Variants in KIRREL3 observed in about 807,000 individuals in gnomAD.
KIRREL3 encodes the protein kirre like nephrin family adhesion molecule 3, also known as kin of IRRE-like protein 3.
KIRREL3 carries 36 observed loss-of-function variants against 89.7 expected under a neutral mutation model. The ratio of observed to expected loss-of-function variants is 0.40; its 90% CI spans 0.31 to 0.53. The LOEUF (loss-of-function observed/expected upper bound fraction) is 0.53, where lower values mean the gene tolerates loss of function less well. KIRREL3 is among the 20% of genes least tolerant of loss of function. KIRREL3 has a pLI of 0.49. For missense variants in KIRREL3, 864 were observed against 1,056.6 expected, an observed-to-expected ratio of 0.82 and a Z score of 2.53; for synonymous variants, 445 against 441.4, an observed-to-expected ratio of 1.01 and a Z score of -0.10.
intron 1 of KIRREL3, among the ~76,000 whole-genome samples, chr11:126,626,768 A>T (rs1220900985): frequency 6.6e-6 from 1 of 152,182 alleles, no homozygotes; most frequent in African/African-American, 2.4e-5. Context: ...CGAGGCGGGC[A>T]GATCGCCTGA....
At chr11:126,444,086 C>T (rs1955694476) in intron 10 of KIRREL3, among the ~76,000 whole-genome samples, 1 of 152,238 alleles carries the variant, frequency 6.6e-6, no homozygotes, top group Admixed American at 6.5e-5. Flanking sequence ...TGACTGTCTA[C>T]ACCCCATCAT....
In KIRREL3 at chr11:126,896,963, G is replaced by A. The variant is rs141196116; in HGVS notation, c.55+103492C>T. On this transcript the variant is annotated intron_variant, in intron 1 of 16. Coordinates refer to ENST00000525144, the MANE Select transcript of KIRREL3 (RefSeq NM_032531.4). The surrounding 1 kb of genome is among the most constrained non-coding windows in gnomAD (Gnocchi z 4.1). ...CTTTCTTTTGTTACTCTAAGACTTT[G>A]CAGAATCAAAAGATTCTAAGAAGAG... Among the ~76,000 whole-genome samples the A allele has an allele frequency of 7.9e-5, 12 of 152,180 alleles. No individual in the cohort carries two copies. In the East Asian group the frequency reaches 2.3e-3, roughly 29 times the overall value.
chr11:126,503,572 A>G (rs1460621742), intron 4 of KIRREL3, among the ~76,000 whole-genome samples: 1 of 152,100 alleles, frequency 6.6e-6, no homozygotes, highest in Admixed American at 6.6e-5. Flanking sequence ...ATAGTTTCCT[A>G]AAAACAAAGA....
At chr11:126,874,072 G>T (rs901141238) in intron 1 of KIRREL3, among the ~76,000 whole-genome samples, 1 of 152,216 alleles carries the variant, frequency 6.6e-6, no homozygotes, top group East Asian at 1.9e-4. Flanking sequence ...TGATGCAAAG[G>T]CACCTATCCC....
rs1357333857 is a variant in KIRREL3 at position 126,498,508 on chromosome 11, T to C, written c.433+22807A>G. ...GGTAAGGGGTGGCAGCGAGAGATAA[T>C]TATAATCAGATCTAATTAGTAATTA... On this transcript the variant is annotated intron_variant, in intron 4 of 16. Coordinates refer to ENST00000525144, the MANE Select transcript of KIRREL3 (RefSeq NM_032531.4). The surrounding 1 kb of genome is among the most constrained non-coding windows in gnomAD (Gnocchi z 4.3). Among the ~76,000 whole-genome samples, 1 of 152,194 alleles carries C rather than the reference T, an allele frequency of 6.6e-6. No individual in the cohort carries two copies. The highest frequency in any genetic ancestry group is 1.5e-5 in the Non-Finnish European group (1 of 68,038).
rs1210724073 is a variant in KIRREL3 at position 126,978,820 on chromosome 11, G to T, written c.55+21635C>A. The stretch of plus-strand genomic sequence containing the variant: ...GCTACCATATGTGGATGTCCCCTGG[G>T]TCCCTACCTCTCTGCACCCGGGATG... On this transcript the variant is annotated intron_variant, in intron 1 of 16. Transcript: ENST00000525144. This position sits in a 1 kb window ranked among gnomAD's most constrained non-coding sequence, Gnocchi z 4.2. Among the ~76,000 whole-genome samples, 1 of 152,152 alleles carries T rather than the reference G, an allele frequency of 6.6e-6. No homozygotes were observed. The highest frequency in any genetic ancestry group is 1.5e-5 in the Non-Finnish European group (1 of 68,030).
Position 126,608,670 on chromosome 11 carries a change from C to G in KIRREL3, c.56-45758G>C, listed in dbSNP as rs1422011843. ...AGTAGGAGCCCCCTTCCCAGCCCTCCCTGGCTAAGGGATGGTGGTCCCAGA... is the reference window on the plus strand; with the variant it reads ...AGTAGGAGCCCCCTTCCCAGCCCTCGCTGGCTAAGGGATGGTGGTCCCAGA... On this transcript the variant is annotated intron_variant, in intron 1 of 16. Coordinates refer to ENST00000525144, the MANE Select transcript of KIRREL3 (RefSeq NM_032531.4). This position sits in a 1 kb window ranked among gnomAD's most constrained non-coding sequence, Gnocchi z 4.9. 6.6e-6 allele frequency among the ~76,000 whole-genome samples: 1 copy of G among 152,192 alleles called. No homozygotes were observed. The highest frequency in any genetic ancestry group is 1.5e-5 in the Non-Finnish European group (1 of 68,026).
Position 126,571,223 on chromosome 11 carries a change from G to T in KIRREL3, c.56-8311C>A, listed in dbSNP as rs149149326. Among the ~76,000 whole-genome samples the T allele has an allele frequency of 3.1e-3, 476 of 152,272 alleles. 2 individuals are homozygous for T. Among genetic ancestry groups the T allele is most frequent in the Non-Finnish European group, 5.1e-3 (346 of 68,022 alleles). On this transcript the variant is annotated intron_variant, in intron 1 of 16. Coordinates refer to ENST00000525144, the MANE Select transcript of KIRREL3 (RefSeq NM_032531.4). The surrounding 1 kb of genome is among the most constrained non-coding windows in gnomAD (Gnocchi z 7.7). The stretch of plus-strand genomic sequence containing the variant: ...CTTATCATCTTTCTCTCCTTGGAGG[G>T]CTGGGTTCCTCCCCTACCCTCAGAC...
intron 1 of KIRREL3, among the ~76,000 whole-genome samples, chr11:126,945,641 CA>C (rs1341970169): frequency 5.3e-5 from 8 of 152,138 alleles, no homozygotes; most frequent in Non-Finnish European, 1.2e-4. Flanking sequence ...TCACAACAGA[CA>C]GATGTTCCCT....
At chr11:126,713,670 A>T (rs1299021296) in intron 1 of KIRREL3, among the ~76,000 whole-genome samples, 1 of 152,146 alleles carries the variant, frequency 6.6e-6, no homozygotes, top group African/African-American at 2.4e-5. Flanking sequence ...ACAACAAATG[A>T]CACAATCAAC....
chr11:126,868,958 A>G (rs1350861138), intron 1 of KIRREL3, among the ~76,000 whole-genome samples: 1 of 152,030 alleles, frequency 6.6e-6, no homozygotes. Flanking sequence ...TTATAAAAGC[A>G]CTAATCCCAT....
chr11:126,974,854 C>T (rs1949525227), intron 1 of KIRREL3, among the ~76,000 whole-genome samples: 1 of 152,150 alleles, frequency 6.6e-6, no homozygotes, highest in Admixed American at 6.5e-5. Context: ...TACAGGTGTG[C>T]ACCACCATGC....
chr11:126,623,898 C>A lies in KIRREL3; in HGVS notation c.56-60986G>T, dbSNP rs1037033256. Among the ~76,000 whole-genome samples, 5 of 152,176 alleles carry A rather than the reference C, an allele frequency of 3.3e-5. No homozygotes were observed. The highest frequency in any genetic ancestry group is 1.2e-4 in the African/African-American group (5 of 41,436). On this transcript the variant is annotated intron_variant, in intron 1 of 16. Coordinates refer to ENST00000525144, the MANE Select transcript of KIRREL3 (RefSeq NM_032531.4). This position sits in a 1 kb window ranked among gnomAD's most constrained non-coding sequence, Gnocchi z 4.1. ...CCAACCCCAGTCCAGAAGGGGCTGG[C>A]AGGTACCTCTTTTTATTCATTGAGA...
intron 1 of KIRREL3, among the ~76,000 whole-genome samples, chr11:126,821,347 A>ATATATATATATATATATATG (rs1344371968): frequency 3.5e-5 from 4 of 115,934 alleles, no homozygotes; most frequent in Non-Finnish European, 3.6e-5. Flanking sequence ...ATATATATAT[A>ATATATATATATATATATATG]TATATGTAAC....
chr11:126,873,066 T>C (rs1945161155), intron 1 of KIRREL3, among the ~76,000 whole-genome samples: 1 of 152,230 alleles, frequency 6.6e-6, no homozygotes, highest in South Asian at 2.1e-4. Flanking sequence ...CAAAGAACTT[T>C]GATATAAATT....
chr11:126,872,736 G>A lies in KIRREL3; in HGVS notation c.55+127719C>T, dbSNP rs1945149325. On this transcript the variant is annotated intron_variant, in intron 1 of 16. Transcript: ENST00000525144. This position sits in a 1 kb window ranked among gnomAD's most constrained non-coding sequence, Gnocchi z 4.2. ...TGTGGGTACTTTCCTGCTCTGTGCT[G>A]CCAGAATGGTGCTGAATATGAATGA... Among the ~76,000 whole-genome samples, 1 of 152,184 alleles carries A rather than the reference G, an allele frequency of 6.6e-6. No individual in the cohort carries two copies. The highest frequency in any genetic ancestry group is 6.5e-5 in the Admixed American group (1 of 15,278).
intron 1 of KIRREL3, among the ~76,000 whole-genome samples, chr11:126,960,525 C>T (rs537045675): frequency 1.2e-4 from 19 of 152,302 alleles, no homozygotes; most frequent in African/African-American, 3.1e-4. Context: ...CTCATCAAGA[C>T]GGATCTGATT....
At chr11:126,836,177 A>G (rs887651750) in intron 1 of KIRREL3, among the ~76,000 whole-genome samples, 1 of 152,222 alleles carries the variant, frequency 6.6e-6, no homozygotes, top group Non-Finnish European at 1.5e-5. Flanking sequence ...CAGTTCTGTG[A>G]GTACTTCTCA....
chr11:126,644,668 T>C (rs1034679422), intron 1 of KIRREL3, among the ~76,000 whole-genome samples: 12 of 152,124 alleles, frequency 7.9e-5, no homozygotes, highest in Non-Finnish European at 1.6e-4. Context: ...AAAGAGATGG[T>C]ACAGTGGATG....
Sources: allele counts gnomAD v4.1 joint callset (sites outside exome capture counted in the v4.1 genomes callset), GRCh38; gene constraint gnomAD v4.1.1; non-coding constraint Gnocchi (gnomAD v3.1); transcripts MANE v1.5; gene names NCBI Gene and HGNC (gene_info 2026-07-23, HGNC 2026-07-21).